The following SYBU variants were observed in gnomAD, a reference collection of about 807,000 sequenced individuals.
The protein encoded by SYBU is GOLSYN A protein.
SYBU carries 21 observed loss-of-function variants against 35.9 expected under a neutral mutation model. That is an observed-to-expected ratio of 0.58 (90% CI 0.41 to 0.84). SYBU has a LOEUF of 0.84. Ranked by LOEUF, SYBU falls within the 40% of genes least tolerant of loss-of-function variation. The pLI is 0.00. For synonymous variants in SYBU, 319 were observed against 324.3 expected (o/e 0.98, Z 0.18); for missense variants, 768 against 848.2 (o/e 0.91, Z 1.17).
chr8:109,605,823 G>GA (rs1826012762), intron 3 of SYBU, among the ~76,000 whole-genome samples: 1 of 151,896 alleles, frequency 6.6e-6, no homozygotes, highest in Non-Finnish European at 1.5e-5. Flanking sequence ...TGAATCTAAT[G>GA]AAAAATGAAA....
intron 2 of SYBU, among the ~76,000 whole-genome samples, chr8:109,624,507 G>A (rs1812768814): frequency 6.6e-6 from 1 of 152,186 alleles, no homozygotes; most frequent in Admixed American, 6.5e-5. Context: ...GGCAGCAAAT[G>A]TAATAGATAA....
intron 3 of SYBU, among the ~76,000 whole-genome samples, chr8:109,615,195 C>T (rs1271902832): frequency 6.6e-6 from 1 of 152,102 alleles, no homozygotes; most frequent in Non-Finnish European, 1.5e-5. Context: ...CGTATAAGAG[C>T]CACTAATTGC....
chr8:109,594,353 A>G (rs554787190), intron 3 of SYBU, among the ~76,000 whole-genome samples: 7 of 152,184 alleles, frequency 4.6e-5, no homozygotes, highest in Admixed American at 4.6e-4. Flanking sequence ...TTTTGGAGTC[A>G]CCTCATTCTC....
intron 2 of SYBU, among the ~76,000 whole-genome samples, chr8:109,621,428 G>A: frequency 6.6e-6 from 1 of 152,182 alleles, no homozygotes; most frequent in Admixed American, 6.5e-5. Context: ...AGCAGGGAAT[G>A]AGAAAATTCA....
At chr8:109,677,874 C>T (rs916362980) in intron 1 of SYBU, among the ~76,000 whole-genome samples, 2 of 152,028 alleles carry the variant, frequency 1.3e-5, no homozygotes, top group African/African-American at 4.8e-5. Context: ...GGAGCTCACA[C>T]CTGTAATCCC....
chr8:109,674,830 C>T (rs762509987), intron 1 of SYBU, among the ~76,000 whole-genome samples: 17 of 152,150 alleles, frequency 1.1e-4, no homozygotes, highest in African/African-American at 2.9e-4. Flanking sequence ...ACCAAGTCAA[C>T]GGAATATACA....
chr8:109,578,825 T>G (rs950433739), intron 5 of SYBU, among the ~76,000 whole-genome samples: 16 of 152,230 alleles, frequency 1.1e-4, no homozygotes, highest in Non-Finnish European at 1.6e-4. Flanking sequence ...GATGGCTATT[T>G]GCTGAATGCA....
At chr8:109,588,954 G>T (rs1823925207) in intron 3 of SYBU, among the ~76,000 whole-genome samples, 1 of 152,134 alleles carries the variant, frequency 6.6e-6, no homozygotes, top group Non-Finnish European at 1.5e-5. Context: ...GAGGTCAGGA[G>T]TTCGAAACCA....
chr8:109,660,013 A>G (rs951723588), intron 1 of SYBU, among the ~76,000 whole-genome samples: 1 of 152,198 alleles, frequency 6.6e-6, no homozygotes, highest in Non-Finnish European at 1.5e-5. Flanking sequence ...GCCAAATAGC[A>G]CTAATGAAAT....
chr8:109,673,109 A>G (rs1817049969), intron 1 of SYBU, among the ~76,000 whole-genome samples: 1 of 152,200 alleles, frequency 6.6e-6, no homozygotes, highest in Admixed American at 6.5e-5. Flanking sequence ...ACACAGCTTC[A>G]GCAGACTTAA....
intron 1 of SYBU, among the ~76,000 whole-genome samples, chr8:109,687,770 GTAT>G (rs1353890241): frequency 6.6e-6 from 1 of 152,126 alleles, no homozygotes; most frequent in Non-Finnish European, 1.5e-5. Flanking sequence ...ATGTCACATG[GTAT>G]TATTATAGAG....
rs756123421 is a variant in SYBU at position 109,574,983 on chromosome 8, T to A, written c.1915A>T (p.Ile639Phe). 5 of 1,549,746 alleles carry A rather than the reference T, an allele frequency of 3.2e-6. No individual in the cohort carries two copies. The highest frequency in any genetic ancestry group is 4.4e-6 in the Non-Finnish European group (5 of 1,147,392). The change falls in exon 7 of 7, where the codon ATC becomes TTC. Residue 639 changes from isoleucine (I) to phenylalanine (F), a missense_variant. Coordinates refer to ENST00000276646, the MANE Select transcript of SYBU (RefSeq NM_001099754.2). ...QRGGTDPVYN[I>F]GALLRGCCVV... ...CAACAGCCCCTGAGCAAGGCCCCGA[T>A]GTTATACACAGGATCCGTTCCCCCT...
chr8:109,613,223 TTG>T (rs1298365060), intron 3 of SYBU, among the ~76,000 whole-genome samples: 1 of 152,140 alleles, frequency 6.6e-6, no homozygotes, highest in African/African-American at 2.4e-5. Context: ...TACATGCAAA[TTG>T]TGTGTGAGAG....
At chr8:109,628,471 C>G (rs1313466277) in intron 2 of SYBU, among the ~76,000 whole-genome samples, 2 of 151,926 alleles carry the variant, frequency 1.3e-5, no homozygotes, top group Admixed American at 1.3e-4. Flanking sequence ...TAACTGGGAC[C>G]AAAGATGTGT....
chr8:109,598,827 A>G (rs1035247807), intron 3 of SYBU, among the ~76,000 whole-genome samples: 4 of 152,276 alleles, frequency 2.6e-5, no homozygotes, highest in Non-Finnish European at 4.4e-5. Context: ...AGTGCCTTAC[A>G]GGCATTCTCA....
chr8:109,590,003 T>TAAA (rs554749555), intron 3 of SYBU, among the ~76,000 whole-genome samples: 2 of 145,776 alleles, frequency 1.4e-5, no homozygotes, highest in African/African-American at 5.0e-5. Context: ...GGCAGTAAAT[T>TAAA]AAAAAAAAAA....
At chr8:109,592,154 T>C (rs1430909247) in intron 3 of SYBU, among the ~76,000 whole-genome samples, 1 of 152,026 alleles carries the variant, frequency 6.6e-6, no homozygotes, top group Non-Finnish European at 1.5e-5. Context: ...GAAGATGGCT[T>C]CTCAAAAAAG....
chr8:109,625,304 T>C (rs891168220), intron 2 of SYBU, among the ~76,000 whole-genome samples: 1 of 152,236 alleles, frequency 6.6e-6, no homozygotes, highest in Non-Finnish European at 1.5e-5. Context: ...GAGAGTTCAC[T>C]GCACTATTCT....
At chr8:109,586,263 A>G in intron 3 of SYBU, 101 bp from the exon 4 acceptor site, 1 of 817,298 alleles carries the variant, frequency 1.2e-6, no homozygotes, top group Admixed American at 2.6e-5. Context: ...GCGTTTGCAC[A>G]CTATTGGCAA....
Sources: gnomAD v4.1 joint callset for allele counts (sites outside exome capture counted in the v4.1 genomes callset) on GRCh38, gnomAD v4.1.1 for gene constraint, MANE v1.5 for transcripts, NCBI Gene and HGNC (gene_info 2026-07-23, HGNC 2026-07-21) for gene names.